The following CFAP221 variants were observed in gnomAD, a reference collection of about 807,000 sequenced individuals.
CFAP221 encodes cilia- and flagella-associated protein 221.
CFAP221 carries 97 observed loss-of-function variants against 113.1 expected under a neutral mutation model. The observed-to-expected ratio is 0.86, with a 90% confidence interval of 0.73 to 1.02. The LOEUF (loss-of-function observed/expected upper bound fraction) is 1.02, where lower values mean the gene tolerates loss of function less well. Among genes scored for constraint, CFAP221 ranks in the 50% least tolerant of loss-of-function variants. The probability of loss-of-function intolerance (pLI) is 0.00; values close to 1 mark genes in which losing one functional copy is unlikely to be tolerated. For missense variants in CFAP221, 1,025 were observed against 1,013.4 expected (o/e 1.01, Z -0.16); for synonymous variants, 331 against 354.4 (o/e 0.93, Z 0.74).
chr2:119,652,882 A>G (rs1333875000), intron 23 of CFAP221, among the ~76,000 whole-genome samples: 1 of 149,916 alleles, frequency 6.7e-6, no homozygotes, highest in Non-Finnish European at 1.5e-5. Context: ...TATGATAAAA[A>G]CAACCATCCA....
At chr2:119,590,967 G>C (rs1312457607) in intron 7 of CFAP221, among the ~76,000 whole-genome samples, 1 of 152,192 alleles carries the variant, frequency 6.6e-6, no homozygotes, top group African/African-American at 2.4e-5. Context: ...CTTCTTGCTG[G>C]TAGTTAAGAC....
chr2:119,651,299 A>C (rs141150564), intron 22 of CFAP221, among the ~76,000 whole-genome samples: 20 of 152,292 alleles, frequency 1.3e-4, no homozygotes, highest in African/African-American at 4.6e-4. Context: ...CACCACCTGT[A>C]TTTGTAAATA....
intron 14 of CFAP221, 37 bp downstream of exon 14, chr2:119,615,746 T>C (rs1685479009): frequency 6.7e-7 from 1 of 1,489,492 alleles, no homozygotes; most frequent in Non-Finnish European, 9.3e-7. Context: ...TTGATTTGTT[T>C]ACTCATCAGC....
At chr2:119,632,203 A>G (rs1049511674) in intron 19 of CFAP221, among the ~76,000 whole-genome samples, 2 of 152,214 alleles carry the variant, frequency 1.3e-5, no homozygotes, top group Admixed American at 1.3e-4. Flanking sequence ...CAGAGATATT[A>G]CAGGAAAAAA....
intron 14 of CFAP221, among the ~76,000 whole-genome samples, chr2:119,624,465 T>C (rs1686154484): frequency 6.6e-6 from 1 of 152,210 alleles, no homozygotes; most frequent in Admixed American, 6.5e-5. Flanking sequence ...AGTGTGGCAA[T>C]TCCTCAAGGA....
chr2:119,578,455 G>C (rs1682606556), intron 6 of CFAP221, among the ~76,000 whole-genome samples: 1 of 152,192 alleles, frequency 6.6e-6, no homozygotes, highest in Admixed American at 6.5e-5. Flanking sequence ...CACATCCTTT[G>C]ATCTATGAAT....
In CFAP221 at chr2:119,647,040, A is replaced by T. The variant is rs1047385844; in HGVS notation, c.2308A>T (p.Thr770Ser). ...CTTACCAGAAGAGGACAGACTAGAA[A>T]CAGTAGAACGGTATTTTTTTTTTTT... is the stretch of plus-strand genomic sequence containing the variant. ...DALPEEDRLE[T>S]VERELCEQNV... The change falls in exon 22 of 24, where the codon ACA becomes TCA. Residue 770 changes from threonine to serine, a missense_variant. By Grantham distance (58) the Thr-to-Ser change is moderately conservative (BLOSUM62 1). Transcript: ENST00000413369. 6.3e-7 allele frequency: 1 copy of T among 1,583,040 alleles called. No homozygotes were observed. Among genetic ancestry groups the T allele is most frequent in the Admixed American group, 1.8e-5 (1 of 54,780 alleles).
chr2:119,616,827 CTTTAGTA>C (rs1202484715), intron 14 of CFAP221, among the ~76,000 whole-genome samples: 2 of 152,246 alleles, frequency 1.3e-5, no homozygotes, highest in Non-Finnish European at 2.9e-5. Flanking sequence ...TCCTTGTGCA[CTTTAGTA>C]TTTAGGGATC....
chr2:119,559,725 C>G lies in CFAP221; in HGVS notation c.277C>G (p.His93Asp). The part of the protein sequence containing the change: ...VNVSNEDTRV[H>D]ILPPQTKYFE... The stretch of plus-strand genomic sequence containing the variant: ...TGTTTCCAATGAAGACACACGTGTT[C>G]ATATTTTACCCCCGCAAACCAAATA... The change falls in exon 4 of 24, where the codon CAT (histidine) becomes GAT (aspartate). Residue 93 changes from histidine to aspartate, a missense_variant. Physicochemically the swap from His to Asp is moderately conservative, Grantham distance 81. Transcript: ENST00000413369. 6.5e-7 allele frequency: 1 copy of G among 1,532,974 alleles called. No individual in the cohort carries two copies. Among genetic ancestry groups the G allele is most frequent in the Admixed American group, 2.0e-5 (1 of 50,980 alleles). The allele number at this position is 1,532,974 out of a possible 1,614,324, so 95.0% of individuals were successfully genotyped here.
chr2:119,583,561 T>G (rs1363640843), intron 6 of CFAP221, among the ~76,000 whole-genome samples: 1 of 151,972 alleles, frequency 6.6e-6, no homozygotes, highest in African/African-American at 2.4e-5. Context: ...TAGATCAAAA[T>G]CCAAAAGTAG....
chr2:119,549,043 C>A, intron 2 of CFAP221, 42 bp from the exon 3 acceptor site: 2 of 1,274,696 alleles, frequency 1.6e-6, no homozygotes, highest in South Asian at 1.5e-5. Context: ...TTAATATTTT[C>A]TTTGATGTCT....
rs199642026 is a variant in CFAP221 at position 119,651,959 on chromosome 2, C to G, written c.2319-15C>G. ...AGGAAAAGCAGTGCCCACTAAACAT[C>G]TTATTACTTTGCAGTGAGCTCTGTG... On this transcript the variant is annotated splice_polypyrimidine_tract_variant and intron_variant, in intron 22 of 23. Transcript: ENST00000413369. 2 of 1,595,062 alleles carry G rather than the reference C, an allele frequency of 1.3e-6. No homozygotes were observed. Among genetic ancestry groups the G allele is most frequent in the East Asian group, 4.5e-5 (2 of 44,596 alleles).
chr2:119,587,615 G>T (rs12993152), intron 7 of CFAP221, among the ~76,000 whole-genome samples: 3,884 of 152,224 alleles, frequency 0.026, 75 homozygotes, highest in Non-Finnish European at 0.037. Flanking sequence ...GTATGTTTTT[G>T]CATGCCCCAG....
intron 2 of CFAP221, 48 bp from the exon 3 acceptor site, chr2:119,549,037 T>C (rs1430290862): frequency 2.4e-6 from 3 of 1,241,730 alleles, no homozygotes; most frequent in Non-Finnish European, 2.2e-6. Context: ...TTTAATTTAA[T>C]ATTTTCTTTG....
In CFAP221 at chr2:119,630,793, T is replaced by C. The variant is rs777667675; in HGVS notation, c.1866T>C (p.Leu622=). The change falls in exon 19 of 24, where the codon CTT becomes CTC. Residue 622 remains leucine, a synonymous_variant. Transcript: ENST00000413369. The part of the protein sequence containing the change: ...AEDEVTTITA[L]PKQDSTTQLS... ...ATGAAGTCACCACCATCACAGCCCT[T>C]CCGAAACAGGACTCCACAACTCAGC... is the stretch of plus-strand genomic sequence containing the variant. The C allele has an allele frequency of 6.2e-7, 1 of 1,612,400 alleles. No homozygotes were observed. The highest frequency in any genetic ancestry group is 8.5e-7 in the Non-Finnish European group (1 of 1,178,586).
chr2:119,647,009 T>C lies in CFAP221; in HGVS notation c.2277T>C (p.Leu759=). 2 of 1,613,886 alleles carry C rather than the reference T, an allele frequency of 1.2e-6. No individual in the cohort carries two copies. Among genetic ancestry groups the C allele is most frequent in the Admixed American group, 3.3e-5 (2 of 60,000 alleles). ...TTCCGATAGACGTCCCTGCCATCCTTGATGCCTTACCAGAAGAGGACAGAC... is the reference window on the plus strand; with the variant it reads ...TTCCGATAGACGTCCCTGCCATCCTCGATGCCTTACCAGAAGAGGACAGAC... ...FMLPIDVPAI[L]DALPEEDRLE... Residue 759 remains leucine (L), a synonymous_variant, in exon 22 of 24, where the codon CTT becomes CTC. Transcript: ENST00000413369.
intron 15 of CFAP221, among the ~76,000 whole-genome samples, 177 bp from the exon 16 acceptor site, chr2:119,627,460 AAAATTTTTTTAACCAG>A (rs1305598049): frequency 6.6e-6 from 1 of 152,110 alleles, no homozygotes; most frequent in South Asian, 2.1e-4. Context: ...AAATAAAGAT[AAAATTTTTTTAACCAG>A]AAAGGAGGTT....
At chr2:119,557,674 A>T (rs1418046721) in intron 3 of CFAP221, among the ~76,000 whole-genome samples, 1 of 152,196 alleles carries the variant, frequency 6.6e-6, no homozygotes. Context: ...TGTGGAGTGT[A>T]GATGCTGGGT....
chr2:119,637,818 A>G (rs1687209678), intron 19 of CFAP221, among the ~76,000 whole-genome samples: 1 of 152,230 alleles, frequency 6.6e-6, no homozygotes, highest in Admixed American at 6.5e-5. Context: ...ATCGAATGTC[A>G]TCCTCTTTTT....
Sources: allele counts gnomAD v4.1 joint callset (sites outside exome capture counted in the v4.1 genomes callset), GRCh38; gene constraint gnomAD v4.1.1; transcripts MANE v1.5; gene names NCBI Gene and HGNC (gene_info 2026-07-23, HGNC 2026-07-21).